The following POLA1 variants were observed in gnomAD, a reference collection of about 807,000 sequenced individuals.
POLA1 encodes DNA polymerase alpha 1, catalytic subunit.
A neutral mutation model predicts 124.0 loss-of-function variants in POLA1; 15 were observed. The ratio of observed to expected loss-of-function variants is 0.12; its 90% confidence interval spans 0.08 to 0.19. The LOEUF (loss-of-function observed/expected upper bound fraction) is 0.19, where lower values mean the gene tolerates loss of function less well. POLA1 is among the 10% of genes least tolerant of loss of function. The pLI is 1.00. For synonymous variants in POLA1, 408 were observed against 389.4 expected (o/e 1.05, Z -0.56); for missense variants, 886 against 1,103.4 (o/e 0.80, Z 2.79).
intron 34 of POLA1, among the ~76,000 whole-genome samples, chrX:24,879,900 A>G (rs753798175): frequency 1.1e-4 from 12 of 111,630 alleles, no homozygotes; most frequent in Non-Finnish European, 1.9e-4. Context: ...GTAAAATACA[A>G]TTGCTGGTAA....
intron 26 of POLA1, among the ~76,000 whole-genome samples, chrX:24,794,160 G>A (rs1041004416): frequency 1.8e-5 from 2 of 110,323 alleles, no homozygotes; most frequent in African/African-American, 6.6e-5. Flanking sequence ...TATTTTTTTA[G>A]TAGAGATGGT....
intron 26 of POLA1, among the ~76,000 whole-genome samples, chrX:24,779,134 A>G (rs1228903902): frequency 1.8e-5 from 2 of 109,110 alleles, no homozygotes; most frequent in African/African-American, 6.7e-5. Context: ...GCTGGAGTGC[A>G]GTGGCGCCAT....
chrX:24,799,909 G>A (rs1041063646), intron 26 of POLA1, among the ~76,000 whole-genome samples: 1 of 111,779 alleles, frequency 8.9e-6, no homozygotes, highest in African/African-American at 3.3e-5. Flanking sequence ...AATTCATTCC[G>A]TCTAAGTGAT....
At chrX:24,963,512 T>C (rs2048190562) in intron 36 of POLA1, among the ~76,000 whole-genome samples, 1 of 111,933 alleles carries the variant, frequency 8.9e-6, no homozygotes, top group South Asian at 3.7e-4. Context: ...CTGTGAGTTT[T>C]CCAGTCTTAA....
intron 36 of POLA1, among the ~76,000 whole-genome samples, chrX:24,942,913 C>T (rs945693613): frequency 2.7e-5 from 3 of 111,719 alleles, no homozygotes; most frequent in Admixed American, 9.5e-5. Context: ...CCCAGGCTGG[C>T]CTCAAACTCC....
chrX:24,915,100 G>A (rs772363340), intron 35 of POLA1, among the ~76,000 whole-genome samples: 4 of 111,709 alleles, frequency 3.6e-5, no homozygotes, highest in African/African-American at 9.7e-5. Flanking sequence ...TCATATTGGC[G>A]GGTGGGACCT....
At chrX:24,746,029 C>T (rs776199083) in intron 24 of POLA1, among the ~76,000 whole-genome samples, 11 of 111,360 alleles carry the variant, frequency 9.9e-5, no homozygotes, top group Middle Eastern at 4.6e-3. Flanking sequence ...TATACACATA[C>T]ACCACATTTT....
In POLA1 at chrX:24,957,852, CAA is replaced by C. The variant is rs1177578220; in HGVS notation, c.4261+27304_4261+27305del. Among the ~76,000 whole-genome samples, 3 of 109,183 alleles carry C rather than the reference CAA, an allele frequency of 2.7e-5. No homozygotes were observed. In the East Asian group the frequency reaches 8.6e-4, roughly 31 times the overall value. 94.8% of individuals were successfully genotyped at this position (109,183 alleles called of 115,157 possible). ...CTCTGGCTGCTGCATCATAGGGGAA[CAA>C]GAGGAGACGCGAGGAAAGTAGTTGG... On this transcript the variant is annotated intron_variant, in intron 36 of 36. Coordinates refer to ENST00000379068, the MANE Select transcript of POLA1 (RefSeq NM_001330360.2).
intron 34 of POLA1, among the ~76,000 whole-genome samples, chrX:24,883,425 C>T (rs2047028299): frequency 8.9e-6 from 1 of 112,168 alleles, no homozygotes; most frequent in African/African-American, 3.2e-5. Flanking sequence ...AAATGAATAA[C>T]AGTTTGTGTT....
chrX:24,987,696 C>A (rs1324065938), intron 36 of POLA1, among the ~76,000 whole-genome samples: 3 of 111,592 alleles, frequency 2.7e-5, no homozygotes, highest in Non-Finnish European at 5.6e-5. Context: ...AGGGAATGTT[C>A]CCTACCCGCA....
intron 36 of POLA1, among the ~76,000 whole-genome samples, chrX:24,986,033 G>C (rs1038834337): frequency 3.6e-5 from 4 of 111,734 alleles, no homozygotes; most frequent in Non-Finnish European, 7.5e-5. Flanking sequence ...TTAGCTAGAC[G>C]TGGTGGCACT....
chrX:24,731,868 A>G (rs756113863), intron 15 of POLA1, among the ~76,000 whole-genome samples: 1 of 112,184 alleles, frequency 8.9e-6, no homozygotes, highest in Non-Finnish European at 1.9e-5. Context: ...ATGAGTTGAT[A>G]ATTGAAACTG....
At chrX:24,915,048 T>C (rs921624910) in intron 35 of POLA1, among the ~76,000 whole-genome samples, 3 of 111,964 alleles carry the variant, frequency 2.7e-5, no homozygotes, top group African/African-American at 9.7e-5. Context: ...TCACAAATGT[T>C]AAACAGTATA....
At chrX:24,845,872 A>G (rs1041640170) in intron 34 of POLA1, among the ~76,000 whole-genome samples, 3 of 112,195 alleles carry the variant, frequency 2.7e-5, no homozygotes, top group Non-Finnish European at 5.6e-5. Flanking sequence ...TTTTAGTCTT[A>G]GAAGCACTGC....
intron 26 of POLA1, among the ~76,000 whole-genome samples, chrX:24,753,076 A>G (rs1159279903): frequency 9.1e-6 from 1 of 109,987 alleles, no homozygotes; most frequent in East Asian, 2.8e-4. Context: ...CAGTGGTGCC[A>G]TCTCGGCTCA....
At chrX:24,825,353 G>A (rs1421637963) in intron 31 of POLA1, among the ~76,000 whole-genome samples, 1 of 112,170 alleles carries the variant, frequency 8.9e-6, no homozygotes, top group Non-Finnish European at 1.9e-5. Context: ...AGAAAAAGAG[G>A]CCCCTGCCTC....
chrX:24,793,564 T>G (rs1171948206), intron 26 of POLA1, among the ~76,000 whole-genome samples: 1 of 110,599 alleles, frequency 9.0e-6, no homozygotes, highest in Non-Finnish European at 1.9e-5. Flanking sequence ...AGGAGGGTTG[T>G]TATATGAAGA....
At chrX:24,747,795 C>A (rs980255827) in intron 24 of POLA1, among the ~76,000 whole-genome samples, 6 of 100,214 alleles carry the variant, frequency 6.0e-5, no homozygotes, top group Admixed American at 2.3e-4. Flanking sequence ...AGTGCAGTGG[C>A]GAGATCTCCG....
intron 26 of POLA1, among the ~76,000 whole-genome samples, chrX:24,790,782 T>A (rs1046101548): frequency 2.8e-5 from 3 of 109,059 alleles, no homozygotes; most frequent in African/African-American, 1.0e-4. Flanking sequence ...AGAAGTAAAA[T>A]TGAGAATATG....
Sources: allele counts gnomAD v4.1 joint callset (sites outside exome capture counted in the v4.1 genomes callset), GRCh38; gene constraint gnomAD v4.1.1; transcripts MANE v1.5; gene names NCBI Gene and HGNC (gene_info 2026-07-23, HGNC 2026-07-21).